Variants in PSME4 observed in about 807,000 individuals in gnomAD.
PSME4 encodes proteasome activator subunit 4, also known as proteasome activator complex subunit 4.
PSME4 carries 89 observed loss-of-function variants against 253.9 expected under a neutral mutation model. The observed-to-expected ratio is 0.35, with a 90% confidence interval of 0.30 to 0.42. The LOEUF (loss-of-function observed/expected upper bound fraction) is 0.42. Among genes scored for constraint, PSME4 ranks in the 10% least tolerant of loss-of-function variants. PSME4 has a pLI of 1.00. For missense variants in PSME4, 2,014 were observed against 2,195.2 expected (o/e 0.92, Z 1.65); for synonymous variants, 851 against 759.2 (o/e 1.12, Z -1.99).
At chr2:53,866,670 T>G in intron 45 of PSME4, 77 bp downstream of exon 45, 1 of 1,463,726 alleles carries the variant, frequency 6.8e-7, no homozygotes, top group South Asian at 1.3e-5. Context: ...GTTCAGAGTG[T>G]ATAGGAAATT....
intron 20 of PSME4, among the ~76,000 whole-genome samples, chr2:53,917,902 A>G (rs922444442): frequency 6.6e-6 from 1 of 152,230 alleles, no homozygotes; most frequent in South Asian, 2.1e-4. Context: ...ATGAAAAACA[A>G]AAGTTCTTTA....
intron 20 of PSME4, among the ~76,000 whole-genome samples, chr2:53,917,057 T>C (rs1558680811): frequency 6.6e-6 from 1 of 150,752 alleles, no homozygotes; most frequent in Non-Finnish European, 1.5e-5. Context: ...CATTATATTA[T>C]TAAGTATCAG....
At chr2:53,949,021 C>A in intron 2 of PSME4, 122 bp downstream of exon 2, 1 of 1,278,310 alleles carries the variant, frequency 7.8e-7, no homozygotes, top group South Asian at 1.9e-5. Context: ...ATGTTTTTTG[C>A]AATCATTTTC....
At chr2:53,939,039 G>T (rs1386611658) in intron 4 of PSME4, among the ~76,000 whole-genome samples, 1 of 152,056 alleles carries the variant, frequency 6.6e-6, no homozygotes, top group African/African-American at 2.4e-5. Flanking sequence ...CAAGTTTCCA[G>T]TGAGGAAACA....
chr2:53,970,166 C>A (rs1057373006), intron 1 of PSME4, among the ~76,000 whole-genome samples: 18 of 152,148 alleles, frequency 1.2e-4, no homozygotes, highest in African/African-American at 3.9e-4. Flanking sequence ...AAGACAAATT[C>A]TCTTTGCCCC....
intron 20 of PSME4, among the ~76,000 whole-genome samples, chr2:53,912,876 T>C (rs1245987104): frequency 1.3e-5 from 2 of 152,230 alleles, no homozygotes; most frequent in East Asian, 3.8e-4. Context: ...GTGCCCAGGA[T>C]GTAATCTGTG....
intron 10 of PSME4, among the ~76,000 whole-genome samples, chr2:53,931,406 G>A (rs1668823889): frequency 6.6e-6 from 1 of 152,130 alleles, no homozygotes; most frequent in African/African-American, 2.4e-5. Context: ...AACTTACACT[G>A]TAAAAACAAC....
chr2:53,899,766 C>T, intron 29 of PSME4, 115 bp downstream of exon 29: 3 of 1,274,780 alleles, frequency 2.4e-6, no homozygotes, highest in Non-Finnish European at 3.3e-6. Context: ...TGCAGTGAGC[C>T]ATGATCGTCT....
intron 2 of PSME4, 78 bp downstream of exon 2, chr2:53,949,064 CA>C: frequency 2.1e-6 from 3 of 1,412,230 alleles, no homozygotes; most frequent in Non-Finnish European, 1.9e-6. Flanking sequence ...GTCTTCTTAC[CA>C]AAAACACTTA....
chr2:53,893,526 C>T, intron 35 of PSME4, 148 bp downstream of exon 35: 1 of 1,431,962 alleles, frequency 7.0e-7, no homozygotes, highest in East Asian at 2.5e-5. Context: ...ATAACGACAA[C>T]AAAAGTCTGT....
intron 1 of PSME4, among the ~76,000 whole-genome samples, chr2:53,963,431 C>T (rs550850279): frequency 5.3e-4 from 80 of 152,240 alleles, no homozygotes; most frequent in African/African-American, 1.9e-3. Context: ...GCCCAGCCCA[C>T]GCATTGCACT....
In PSME4 at chr2:53,865,362, G is replaced by T. The variant is rs1461389155; in HGVS notation, c.*216C>A. 1 of 152,036 alleles carries T rather than the reference G, an allele frequency of 6.6e-6. No homozygotes were observed. The highest frequency in any genetic ancestry group is 1.5e-5 in the Non-Finnish European group (1 of 67,936). The allele number at this position is 152,036 out of a possible 1,614,324, so 9.4% of individuals were successfully genotyped here. Reference sequence around the variant, plus strand: ...GTCAGATGCCTCAAAAAAAAAAAGTGATCAGTATTCTGGAAACACTTCCGG... The same window carrying T: ...GTCAGATGCCTCAAAAAAAAAAAGTTATCAGTATTCTGGAAACACTTCCGG... On this transcript the variant is annotated 3_prime_UTR_variant, in exon 47 of 47. Coordinates refer to ENST00000404125, the MANE Select transcript of PSME4 (RefSeq NM_014614.3).
At chr2:53,873,350 T>C (rs1678983214) in intron 43 of PSME4, among the ~76,000 whole-genome samples, 1 of 149,906 alleles carries the variant, frequency 6.7e-6, no homozygotes, top group Admixed American at 6.6e-5. Flanking sequence ...ATTAGGGAGG[T>C]AGAGAAATTT....
intron 3 of PSME4, among the ~76,000 whole-genome samples, chr2:53,940,899 A>G (rs1669368286): frequency 7.4e-6 from 1 of 135,072 alleles, no homozygotes; most frequent in East Asian, 2.0e-4. Flanking sequence ...ATATTTAAAT[A>G]TATATAATAC....
chr2:53,870,383 T>C (rs1678813804), intron 43 of PSME4: 1 of 149,544 alleles, frequency 6.7e-6, no homozygotes, highest in South Asian at 2.1e-4. Flanking sequence ...GTTTTTTTTT[T>C]TTTTTTTTGA....
rs1423681308 is a variant in PSME4 at position 53,890,192 on chromosome 2, T to A, written c.4208A>T (p.Glu1403Val). Residue 1403 changes from glutamate (E) to valine (V), a missense_variant, in exon 37 of 47, where the codon GAG becomes GTG. Physicochemically the swap from Glu to Val is moderately radical, Grantham distance 121. This residue lies in a region of PSME4 where 403 missense variants were observed against 556.1 expected (regional missense o/e 0.72). Transcript: ENST00000404125. ...WTFEKVEKLW[E>V]LLCPLLRTAL... Reference sequence around the variant, plus strand: ...TGTTCTAAGCAGAGGGCACAGAAGCTCCCAAAGCTTCTCCACCTACTCAAA... The same window carrying A: ...TGTTCTAAGCAGAGGGCACAGAAGCACCCAAAGCTTCTCCACCTACTCAAA... 6.2e-7 allele frequency: 1 copy of A among 1,612,670 alleles called. No homozygotes were observed. Among genetic ancestry groups the A allele is most frequent in the African/African-American group, 1.3e-5 (1 of 74,842 alleles).
chr2:53,957,252 G>A (rs764257350), intron 1 of PSME4, among the ~76,000 whole-genome samples: 1 of 152,084 alleles, frequency 6.6e-6, no homozygotes, highest in Non-Finnish European at 1.5e-5. Flanking sequence ...AGATGGCGGG[G>A]GTAGTTTTGG....
intron 41 of PSME4, among the ~76,000 whole-genome samples, chr2:53,879,449 G>A (rs1679280459): frequency 6.6e-6 from 1 of 152,148 alleles, no homozygotes; most frequent in South Asian, 2.1e-4. Flanking sequence ...CTGGCTGGCA[G>A]GAAACATACT....
At chr2:53,944,248 T>C (rs1669596934) in intron 3 of PSME4, among the ~76,000 whole-genome samples, 1 of 152,130 alleles carries the variant, frequency 6.6e-6, no homozygotes, top group Non-Finnish European at 1.5e-5. Flanking sequence ...AGCCTCTGCC[T>C]CCCAGGTTCC....
Sources: allele counts gnomAD v4.1 joint callset (sites outside exome capture counted in the v4.1 genomes callset), GRCh38; gene constraint gnomAD v4.1.1; regional missense constraint gnomAD v4.1.1; transcripts MANE v1.5; gene names NCBI Gene and HGNC (gene_info 2026-07-23, HGNC 2026-07-21).